PSMD2: variants seen among roughly 807,000 people sequenced by gnomAD.
PSMD2 encodes 26S proteasome non-ATPase regulatory subunit 2.
In PSMD2, 8 loss-of-function variants were observed where a neutral mutation model predicts 101.5. The ratio of observed to expected loss-of-function variants is 0.08; its 90% confidence interval spans 0.05 to 0.14. The LOEUF (loss-of-function observed/expected upper bound fraction) is 0.14. PSMD2 is among the 10% of genes least tolerant of loss of function. The pLI, the probability that PSMD2 is intolerant of heterozygous loss-of-function variation, is 1.00. For synonymous variants in PSMD2, 418 were observed against 433.8 expected (o/e 0.96, Z 0.45); for missense variants, 784 against 1,147.4 (o/e 0.68, Z 4.58).
At position 184,306,372 on chromosome 3, in the gene PSMD2, G is replaced by A. The variant is rs1324217674; in HGVS notation, c.1827G>A (p.Val609=). Residue 609 remains valine, a synonymous_variant, in exon 15 of 21, where the codon GTG becomes GTA. Coordinates refer to ENST00000310118, the MANE Select transcript of PSMD2 (RefSeq NM_002808.5). Reference sequence around the variant, plus strand: ...CAGGCTCTGGGAATGTGCTGAAGGTGCAGCAGCTGCTCCACATTTGTAGCG... The same window carrying A: ...CAGGCTCTGGGAATGTGCTGAAGGTACAGCAGCTGCTCCACATTTGTAGCG... The part of the protein sequence containing the change: ...AYAGSGNVLK[V]QQLLHICSEH... The A allele has an allele frequency of 1.9e-6, 3 of 1,614,172 alleles. No individual in the cohort carries two copies. Among genetic ancestry groups the A allele is most frequent in the Non-Finnish European group, 2.5e-6 (3 of 1,180,022 alleles).
intron 2 of PSMD2, 21 bp downstream of exon 2, chr3:184,299,928 G>A (rs188070670): frequency 0.01 from 16,816 of 1,606,716 alleles, 143 homozygotes; most frequent in South Asian, 0.02. Flanking sequence ...ATGTTAACAT[G>A]ATTCGGTGCA....
Position 184,304,461 on chromosome 3 carries a change from TAATG to T in PSMD2, c.1539+73_1539+76del. On this transcript the variant is annotated intron_variant, in intron 12 of 20. Coordinates refer to ENST00000310118, the MANE Select transcript of PSMD2 (RefSeq NM_002808.5). The surrounding 1 kb of genome is among the most constrained non-coding windows in gnomAD (Gnocchi z 4.1). ...TTTGAGTCTTACTTTCTGTGATAAA[TAATG>T]AAAAAGAAGTAAGTGTGTGCATGTG... The T allele has an allele frequency of 5.4e-6, 8 of 1,488,506 alleles. No individual in the cohort carries two copies. In the South Asian group the frequency reaches 9.0e-5, roughly 17 times the overall value. The allele number at this position is 1,488,506 out of a possible 1,614,324, so 92.2% of individuals were successfully genotyped here. A position where few individuals can be genotyped will look rare whatever the true frequency, so the allele number is the denominator to read the frequency against.
In PSMD2 at chr3:184,307,722, C is replaced by A. The variant is rs1721881247; in HGVS notation, c.2298+14C>A. 1 of 1,612,526 alleles carries A rather than the reference C, an allele frequency of 6.2e-7. No homozygotes were observed. The highest frequency in any genetic ancestry group is 8.5e-7 in the Non-Finnish European group (1 of 1,178,684). ...CGCTTGGCACAGGTAAAGAATAGAACTCCTCCACAGAGCGTGCCGGGGAAG... is the reference window on the plus strand; with the variant it reads ...CGCTTGGCACAGGTAAAGAATAGAAATCCTCCACAGAGCGTGCCGGGGAAG... On this transcript the variant is annotated intron_variant, in intron 18 of 20. Transcript: ENST00000310118.
At position 184,307,645 on chromosome 3, in the gene PSMD2, G is replaced by C; in HGVS notation, c.2235G>C (p.Leu745=). 1 of 1,614,130 alleles carries C rather than the reference G, an allele frequency of 6.2e-7. No homozygotes were observed. Among genetic ancestry groups the C allele is most frequent in the South Asian group, 1.1e-5 (1 of 91,088 alleles). The change falls in exon 18 of 21, where the codon CTG becomes CTC. Residue 745 remains leucine, a synonymous_variant. Transcript: ENST00000310118. Reference sequence around the variant, plus strand: ...ATAATGCCCGTCTGGCTGCAATGCTGCGCCAGTTAGCTCAATATCATGCCA... The same window carrying C: ...ATAATGCCCGTCTGGCTGCAATGCTCCGCCAGTTAGCTCAATATCATGCCA... The part of the protein sequence containing the change: ...GTNNARLAAM[L]RQLAQYHAKD...
intron 3 of PSMD2, 36 bp from the exon 4 acceptor site, chr3:184,301,501 G>A: frequency 6.2e-7 from 1 of 1,611,070 alleles, no homozygotes. Flanking sequence ...ATGCTGGACT[G>A]CTGGGTTTGA....
chr3:184,304,487 T>C lies in PSMD2; in HGVS notation c.1539+96T>C. Reference sequence around the variant, plus strand: ...AATGAAAAAGAAGTAAGTGTGTGCATGTGTGCATACATGTACATGCCTGTT... The same window carrying C: ...AATGAAAAAGAAGTAAGTGTGTGCACGTGTGCATACATGTACATGCCTGTT... On this transcript the variant is annotated intron_variant, in intron 12 of 20. Transcript: ENST00000310118. This position sits in a 1 kb window ranked among gnomAD's most constrained non-coding sequence, Gnocchi z 4.1. 1 of 1,243,712 alleles carries C rather than the reference T, an allele frequency of 8.0e-7. No individual in the cohort carries two copies. The highest frequency in any genetic ancestry group is 1.7e-5 in the Admixed American group (1 of 58,474). 77.0% of individuals were successfully genotyped at this position (1,243,712 alleles called of 1,614,324 possible).
At chr3:184,307,274 C>G (rs1033931970) in intron 16 of PSMD2, 83 bp from the exon 17 acceptor site, 11 of 1,478,066 alleles carry the variant, frequency 7.4e-6, no homozygotes, top group East Asian at 2.3e-5. Context: ...GTTAAGGCCC[C>G]CTTTTACCCA....
intron 8 of PSMD2, 96 bp from the exon 9 acceptor site, chr3:184,303,224 A>T: frequency 6.6e-7 from 1 of 1,523,848 alleles, no homozygotes; most frequent in Non-Finnish European, 9.0e-7. Flanking sequence ...ATACTAAGGG[A>T]CTAGCTCAGA....
Position 184,308,442 on chromosome 3 carries a change from C to G in PSMD2, c.2426-7C>G, listed in dbSNP as rs961310242. Reference sequence around the variant, plus strand: ...TCTTAACTTTTTGTCCTGTCTGCTTCCCTCAGTTATTCTAGGCAAATCACA... The same window carrying G: ...TCTTAACTTTTTGTCCTGTCTGCTTGCCTCAGTTATTCTAGGCAAATCACA... On this transcript the variant is annotated splice_region_variant and splice_polypyrimidine_tract_variant and intron_variant, in intron 19 of 20. Coordinates refer to ENST00000310118, the MANE Select transcript of PSMD2 (RefSeq NM_002808.5). The surrounding 1 kb of genome is among the most constrained non-coding windows in gnomAD (Gnocchi z 6.0). 5 of 1,596,510 alleles carry G rather than the reference C, an allele frequency of 3.1e-6. No homozygotes were observed. The highest frequency in any genetic ancestry group is 2.7e-5 in the African/African-American group (2 of 74,256).
Position 184,299,398 on chromosome 3 carries a change from G to C in PSMD2, c.132G>C (p.Glu44Asp), listed in dbSNP as rs1351460981. Residue 44 changes from glutamate to aspartate, a missense_variant, in exon 1 of 21, where the codon GAG becomes GAC. Coordinates refer to ENST00000310118, the MANE Select transcript of PSMD2 (RefSeq NM_002808.5). ...RDAGDKDKEQ[E>D]LSEEDKQLQD... ...CCGGGGACAAGGACAAAGAACAGGAGCTGGTGAGGCGCGACCCCGAGAGTC... is the reference window on the plus strand; with the variant it reads ...CCGGGGACAAGGACAAAGAACAGGACCTGGTGAGGCGCGACCCCGAGAGTC... 2 of 1,372,016 alleles carry C rather than the reference G, an allele frequency of 1.5e-6. No individual in the cohort carries two copies. The highest frequency in any genetic ancestry group is 3.2e-5 in the South Asian group (2 of 62,346). The allele number at this position is 1,372,016 out of a possible 1,614,324, so 85.0% of individuals were successfully genotyped here.
In PSMD2 at chr3:184,303,475, C is replaced by G; in HGVS notation, c.1216+9C>G. 2.5e-6 allele frequency: 4 copies of G among 1,613,084 alleles called. No homozygotes were observed. Among genetic ancestry groups the G allele is most frequent in the Non-Finnish European group, 3.4e-6 (4 of 1,179,544 alleles). ...CAAGAACAAGGACCACGGTATAATT[C>G]TGTTCCTGCTTTGTCTTTTGTTTTG... On this transcript the variant is annotated intron_variant, in intron 9 of 20. Coordinates refer to ENST00000310118, the MANE Select transcript of PSMD2 (RefSeq NM_002808.5).
chr3:184,300,401 A>C lies in PSMD2; in HGVS notation c.314A>C (p.Lys105Thr). The change falls in exon 3 of 21, where the codon AAA (lysine) becomes ACA (threonine). Residue 105 changes from lysine to threonine, a missense_variant. Transcript: ENST00000310118. ...AAATTTCTGCGTCCACACTATGGCA[A>C]ACTGAAGGAAATCTATGAGAACATG... Reference protein sequence around the residue: ...PLKFLRPHYGKLKEIYENMAP... With the variant: ...PLKFLRPHYGTLKEIYENMAP... 1.2e-6 allele frequency: 2 copies of C among 1,614,130 alleles called. No homozygotes were observed.
intron 12 of PSMD2, among the ~76,000 whole-genome samples, chr3:184,305,407 C>T (rs78578926): frequency 2.5e-4 from 38 of 150,954 alleles, no homozygotes; most frequent in Admixed American, 1.9e-3. Flanking sequence ...GAGAATCGCT[C>T]GAACCCAGGA....
rs1721926666 is a variant in PSMD2 at position 184,308,628 on chromosome 3, T to C, written c.2544+61T>C. On this transcript the variant is annotated intron_variant, in intron 20 of 20. Transcript: ENST00000310118. This position sits in a 1 kb window ranked among gnomAD's most constrained non-coding sequence, Gnocchi z 6.0. ...ATTCTCAAACTGGAGAATGTACATA[T>C]ACTTGCTTTGCTGAAACTGGCGTGG... 2 of 1,586,578 alleles carry C rather than the reference T, an allele frequency of 1.3e-6. No individual in the cohort carries two copies. The highest frequency in any genetic ancestry group is 1.7e-5 in the Admixed American group (1 of 59,296).
intron 10 of PSMD2, 98 bp from the exon 11 acceptor site, chr3:184,303,849 C>G (rs1721733865): frequency 1.9e-6 from 3 of 1,603,414 alleles, no homozygotes; most frequent in Non-Finnish European, 2.6e-6. Flanking sequence ...CAGTTTTTAA[C>G]TCTAGTTAAT....
intron 10 of PSMD2, 78 bp from the exon 11 acceptor site, chr3:184,303,869 G>T: frequency 6.2e-7 from 1 of 1,607,682 alleles, no homozygotes; most frequent in Non-Finnish European, 8.5e-7. Context: ...TAAGGGTGCT[G>T]CAGTGAGGCC....
chr3:184,300,897 TA>T (rs1316904335), intron 3 of PSMD2, among the ~76,000 whole-genome samples: 1 of 152,228 alleles, frequency 6.6e-6, no homozygotes, highest in Admixed American at 6.5e-5. Context: ...ATGTAGCAGC[TA>T]TCGTGATCTT....
At chr3:184,306,591 G>A (rs1436997218) in intron 15 of PSMD2, 96 bp downstream of exon 15, 5 of 1,543,656 alleles carry the variant, frequency 3.2e-6, no homozygotes, top group Non-Finnish European at 3.5e-6. Context: ...GCCTCTCTGG[G>A]TATTGCCATG....
chr3:184,308,406 G>C lies in PSMD2; in HGVS notation c.2426-43G>C. 6.6e-7 allele frequency: 1 copy of C among 1,504,290 alleles called. No individual in the cohort carries two copies. The highest frequency in any genetic ancestry group is 9.1e-7 in the Non-Finnish European group (1 of 1,095,512). The allele number at this position is 1,504,290 out of a possible 1,614,324, so 93.2% of individuals were successfully genotyped here. ...GCTCTCAATGTTTCTGGCCAGGCCTGTCTTTTTGTCTCTTAACTTTTTGTC... is the reference window on the plus strand; with the variant it reads ...GCTCTCAATGTTTCTGGCCAGGCCTCTCTTTTTGTCTCTTAACTTTTTGTC... On this transcript the variant is annotated intron_variant, in intron 19 of 20. Coordinates refer to ENST00000310118, the MANE Select transcript of PSMD2 (RefSeq NM_002808.5). The surrounding 1 kb of genome is among the most constrained non-coding windows in gnomAD (Gnocchi z 6.0).
Sources: gnomAD v4.1 joint callset for allele counts (sites outside exome capture counted in the v4.1 genomes callset) on GRCh38, gnomAD v4.1.1 for gene constraint, Gnocchi (gnomAD v3.1) non-coding constraint, MANE v1.5 for transcripts, NCBI Gene and HGNC (gene_info 2026-07-23, HGNC 2026-07-21) for gene names.